The following RIPOR3 variants were observed in gnomAD, a reference collection of about 807,000 sequenced individuals.
The protein encoded by RIPOR3 is RIPOR family member 3.
RIPOR3 carries 95 observed loss-of-function variants against 114.3 expected under a neutral mutation model. The ratio of observed to expected loss-of-function variants is 0.83; its 90% CI spans 0.70 to 0.99. The LOEUF is 0.99. RIPOR3 is among the 50% of genes least tolerant of loss of function. The pLI, the probability that RIPOR3 is intolerant of heterozygous loss-of-function variation, is 0.00. For synonymous variants in RIPOR3, 575 were observed against 543.8 expected, an observed-to-expected ratio of 1.06 and a Z score of -0.80; for missense variants, 1,252 against 1,266.9, an observed-to-expected ratio of 0.99 and a Z score of 0.18.
chr20:50,641,162 C>T (rs1456395794), intron 1 of RIPOR3, among the ~76,000 whole-genome samples: 4 of 151,986 alleles, frequency 2.6e-5, no homozygotes, highest in African/African-American at 9.7e-5. Context: ...CCGCCTGCCT[C>T]GGCCTCCCAA....
intron 1 of RIPOR3, among the ~76,000 whole-genome samples, chr20:50,637,746 G>C (rs1371707345): frequency 1.3e-5 from 2 of 151,996 alleles, no homozygotes; most frequent in African/African-American, 4.8e-5. Context: ...GTAGTGGCGG[G>C]CTCCTGTAAT....
intron 2 of RIPOR3, chr20:50,620,707 A>C (rs2084369171): frequency 3.0e-6 from 1 of 332,036 alleles, no homozygotes; most frequent in African/African-American, 2.2e-5. Flanking sequence ...TGAGGATTAA[A>C]AGAAGAGTAA....
At chr20:50,616,880 C>T (rs760677151) in intron 3 of RIPOR3, among the ~76,000 whole-genome samples, 5 of 152,184 alleles carry the variant, frequency 3.3e-5, no homozygotes, top group African/African-American at 7.2e-5. Context: ...CCGTGGCTGA[C>T]GCCTGTAATC....
chr20:50,599,814 CAAGT>C, intron 13 of RIPOR3, among the ~76,000 whole-genome samples: 1 of 152,080 alleles, frequency 6.6e-6, no homozygotes, highest in African/African-American at 2.4e-5. Flanking sequence ...TAAATTTTAG[CAAGT>C]AAGTAAATTC....
intron 1 of RIPOR3, among the ~76,000 whole-genome samples, chr20:50,667,287 T>A (rs1276128514): frequency 2.5e-4 from 2 of 7,942 alleles, no homozygotes; most frequent in Non-Finnish European, 5.8e-4. Context: ...TTTAAACTAC[T>A]TTTTTTTTTT....
chr20:50,666,840 G>A (rs563610163), intron 1 of RIPOR3, among the ~76,000 whole-genome samples: 4 of 152,158 alleles, frequency 2.6e-5, no homozygotes, highest in Admixed American at 6.6e-5. Context: ...GATTACAGGC[G>A]TGAGTCACCG....
intron 2 of RIPOR3, among the ~76,000 whole-genome samples, chr20:50,629,633 CA>C (rs2084748490): frequency 6.6e-6 from 1 of 152,228 alleles, no homozygotes; most frequent in African/African-American, 2.4e-5. Context: ...CCATCTGTGC[CA>C]AGCCTGCTCC....
intron 1 of RIPOR3, among the ~76,000 whole-genome samples, chr20:50,666,181 C>CCTTTTCTTTT (rs1600720832): frequency 3.3e-4 from 5 of 14,926 alleles, no homozygotes; most frequent in Non-Finnish European, 1.4e-3. Context: ...GAAAGGACAC[C>CCTTTTCTTTT]CATTTCTTTT....
intron 16 of RIPOR3, 80 bp downstream of exon 16, chr20:50,595,289 G>A: frequency 6.5e-7 from 1 of 1,548,044 alleles, no homozygotes; most frequent in South Asian, 1.2e-5. Flanking sequence ...TATTAGGAAG[G>A]CAGAAGAGGC....
Position 50,682,612 on chromosome 20 carries a change from A to ATGTGTGTG in RIPOR3, c.3+8506_3+8513dup, listed in dbSNP as rs71190593. On this transcript the variant is annotated intron_variant, in intron 1 of 21. Coordinates refer to ENST00000327979, the MANE Select transcript of RIPOR3 (RefSeq NM_001290268.2). ...ACAGAGTGAGACCCTGTCTCAAAATATGTGTGTGTGTGTGTGTCTGCATGT... is the reference window on the plus strand; with the variant it reads ...ACAGAGTGAGACCCTGTCTCAAAATATGTGTGTGTGTGTGTGTGTGTGTGTCTGCATGT... Among the ~76,000 whole-genome samples, 31 of 146,900 alleles carry ATGTGTGTG rather than the reference A, an allele frequency of 2.1e-4. 1 individual carries two copies. Among genetic ancestry groups the ATGTGTGTG allele is most frequent in the African/African-American group, 6.7e-4 (27 of 40,386 alleles).
At chr20:50,652,278 C>G (rs2085638002) in intron 1 of RIPOR3, among the ~76,000 whole-genome samples, 1 of 152,124 alleles carries the variant, frequency 6.6e-6, no homozygotes, top group Admixed American at 6.5e-5. Flanking sequence ...AACCCTGAGG[C>G]CCCACCGACT....
chr20:50,647,543 C>A (rs560669639), intron 1 of RIPOR3, among the ~76,000 whole-genome samples: 1 of 134,706 alleles, frequency 7.4e-6, no homozygotes, highest in African/African-American at 2.8e-5. Flanking sequence ...AGTGCAGTGG[C>A]GCAATCTCGG....
At chr20:50,674,837 C>A (rs558085025) in intron 1 of RIPOR3, among the ~76,000 whole-genome samples, 1 of 151,928 alleles carries the variant, frequency 6.6e-6, no homozygotes, top group African/African-American at 2.4e-5. Context: ...AATCCTAGAA[C>A]TTTGGGAGGC....
intron 17 of RIPOR3, among the ~76,000 whole-genome samples, chr20:50,593,402 A>G (rs1248734226): frequency 1.3e-5 from 2 of 152,042 alleles, no homozygotes; most frequent in Non-Finnish European, 2.9e-5. Flanking sequence ...GTGAAACCCC[A>G]TCTCTACTAA....
At chr20:50,658,294 C>T (rs114444824) in intron 1 of RIPOR3, among the ~76,000 whole-genome samples, 178 of 152,268 alleles carry the variant, frequency 1.2e-3, no homozygotes, top group African/African-American at 3.9e-3. Context: ...TTGACCCATA[C>T]GACAACATGG....
In RIPOR3 at chr20:50,602,907, C is replaced by T. The variant is rs2083558781; in HGVS notation, c.1087-263G>A. 1.3e-5 allele frequency among the ~76,000 whole-genome samples: 2 copies of T among 152,242 alleles called. No individual in the cohort carries two copies. The highest frequency in any genetic ancestry group is 4.1e-4 in the South Asian group (2 of 4,838). ...CTCATGCCCTGTGGGCTGGGCCCCACGTTCCTGCCTCAGGGCCTTTGCACT... is the reference window on the plus strand; with the variant it reads ...CTCATGCCCTGTGGGCTGGGCCCCATGTTCCTGCCTCAGGGCCTTTGCACT... On this transcript the variant is annotated intron_variant, in intron 12 of 21. Transcript: ENST00000327979. The surrounding 1 kb of genome is among the most constrained non-coding windows in gnomAD (Gnocchi z 4.3).
intron 13 of RIPOR3, among the ~76,000 whole-genome samples, chr20:50,601,812 C>T (rs1240476084): frequency 2.0e-5 from 3 of 152,168 alleles, no homozygotes; most frequent in Non-Finnish European, 1.5e-5. Context: ...TCAGAAGGTG[C>T]GAGATGGGGC....
chr20:50,607,314 C>T (rs766761781), intron 11 of RIPOR3, among the ~76,000 whole-genome samples: 4 of 152,166 alleles, frequency 2.6e-5, no homozygotes, highest in Non-Finnish European at 4.4e-5. Context: ...GGAATCCAGG[C>T]GAGCGCATGG....
At chr20:50,665,157 C>A (rs1215338302) in intron 1 of RIPOR3, among the ~76,000 whole-genome samples, 1 of 151,896 alleles carries the variant, frequency 6.6e-6, no homozygotes, top group East Asian at 1.9e-4. Context: ...ATGGTGCTGG[C>A]CGGGTGCGGT....
Sources: gnomAD v4.1 joint callset for allele counts (sites outside exome capture counted in the v4.1 genomes callset) on GRCh38, gnomAD v4.1.1 for gene constraint, Gnocchi (gnomAD v3.1) non-coding constraint, MANE v1.5 for transcripts, NCBI Gene and HGNC (gene_info 2026-07-23, HGNC 2026-07-21) for gene names.